The following SLC35F4 variants were observed in gnomAD, a reference collection of about 807,000 sequenced individuals.
SLC35F4 encodes solute carrier family 35 member F4.
In SLC35F4, 24 loss-of-function variants were observed where a neutral mutation model predicts 44.2. That is an observed-to-expected ratio of 0.54 (90% confidence interval 0.39 to 0.76). SLC35F4 has a LOEUF of 0.76. SLC35F4 is among the 30% of genes least tolerant of loss of function. SLC35F4 has a pLI of 0.00. For missense variants in SLC35F4, 562 were observed against 586.1 expected, an observed-to-expected ratio of 0.96 and a Z score of 0.42; for synonymous variants, 238 against 223.6, an observed-to-expected ratio of 1.06 and a Z score of -0.57.
At chr14:57,869,706 T>C (rs1242630991), upstream of SLC35F4, among the ~76,000 whole-genome samples, 2 of 152,084 alleles carry the variant, frequency 1.3e-5, no homozygotes, top group African/African-American at 4.8e-5. Context: ...TTACAAAGAG[T>C]TGACCCCAAG....
At chr14:57,680,075 G>A (rs930063558) in intron 1 of SLC35F4, among the ~76,000 whole-genome samples, 1 of 151,954 alleles carries the variant, frequency 6.6e-6, no homozygotes, top group Non-Finnish European at 1.5e-5. Flanking sequence ...AACAAAAAAA[G>A]GAAATTTCAG....
chr14:57,849,626 A>G (rs1391203819), intron 1 of SLC35F4, among the ~76,000 whole-genome samples: 1 of 152,228 alleles, frequency 6.6e-6, no homozygotes, highest in Non-Finnish European at 1.5e-5. Context: ...AATATTCAGA[A>G]AACAAAAGAG....
At chr14:57,846,974 A>G (rs551032654) in intron 1 of SLC35F4, among the ~76,000 whole-genome samples, 1 of 152,380 alleles carries the variant, frequency 6.6e-6, no homozygotes, top group East Asian at 1.9e-4. Flanking sequence ...CTCTGCAGAT[A>G]GTCCTGGCCA....
chr14:57,759,692 C>A (rs561331931), intron 1 of SLC35F4, among the ~76,000 whole-genome samples: 2 of 152,314 alleles, frequency 1.3e-5, no homozygotes, highest in South Asian at 2.1e-4. Flanking sequence ...CTCTTGCCAA[C>A]ACTTATCTTT....
At chr14:57,674,010 A>G (rs771351491) in intron 1 of SLC35F4, among the ~76,000 whole-genome samples, 57 of 152,112 alleles carry the variant, frequency 3.7e-4, no homozygotes, top group Non-Finnish European at 4.9e-4. Context: ...TCATACAAAT[A>G]TATTCAGTGT....
chr14:57,874,970 G>GAACAAATAAATA (rs1888368714), intron 1 of SLC35F4, among the ~76,000 whole-genome samples: 1 of 149,724 alleles, frequency 6.7e-6, no homozygotes, highest in African/African-American at 2.5e-5. Flanking sequence ...AGAGGCAGTG[G>GAACAAATAAATA]AATAAATAAA....
intron 1 of SLC35F4, among the ~76,000 whole-genome samples, chr14:57,950,675 C>CTTTTTTTTTTTTTTTTTTTTTTTTTTTT (rs59027196): frequency 7.9e-6 from 1 of 127,212 alleles, no homozygotes; most frequent in Non-Finnish European, 1.6e-5. Context: ...TTCTTTCTTT[C>CTTTTTTTTTTTTTTTTTTTTTTTTTTTT]TTTTTTTTTT....
chr14:57,840,221 C>T (rs1885358222), intron 1 of SLC35F4, among the ~76,000 whole-genome samples: 1 of 152,150 alleles, frequency 6.6e-6, no homozygotes, highest in Admixed American at 6.5e-5. Flanking sequence ...CTTTTCACAG[C>T]CACTTCACTA....
chr14:57,593,906 G>A (rs1594980300), intron 2 of SLC35F4, 33 bp downstream of exon 2: 2 of 1,606,666 alleles, frequency 1.2e-6, no homozygotes, highest in African/African-American at 1.3e-5. Flanking sequence ...TTACTAGGAT[G>A]TACCGTTATT....
chr14:57,587,541 G>T (rs1029202467), intron 3 of SLC35F4, among the ~76,000 whole-genome samples: 2 of 152,188 alleles, frequency 1.3e-5, no homozygotes, highest in African/African-American at 4.8e-5. Context: ...AACACTGCAT[G>T]TTCTCACTCA....
chr14:57,913,462 G>A (rs1417394426), intron 1 of SLC35F4, among the ~76,000 whole-genome samples: 2 of 151,680 alleles, frequency 1.3e-5, no homozygotes, highest in African/African-American at 4.8e-5. Context: ...TTTAGTGGTT[G>A]TCATAGAGTT....
At position 57,581,214 on chromosome 14, in the gene SLC35F4, C is replaced by G. The variant is rs769895027; in HGVS notation, c.807G>C (p.Arg269Ser). ...IVLKDRFMGV[R>S]IVAAIMAITG... is the part of the protein sequence containing the mutation. ...CGCATTGAATCAAGTATGCCATTAC[C>G]CTCACTCCCATGAACCTGTCTTTCA... is the stretch of plus-strand genomic sequence containing the variant. The change falls in exon 4 of 8, where the codon AGG (arginine) becomes AGC (serine). Residue 269 changes from arginine to serine, a missense_variant and splice_region_variant. Transcript: ENST00000556826. 1 of 1,552,836 alleles carries G rather than the reference C, an allele frequency of 6.4e-7. No homozygotes were observed. The highest frequency in any genetic ancestry group is 1.4e-5 in the African/African-American group (1 of 72,556).
intron 1 of SLC35F4, among the ~76,000 whole-genome samples, chr14:57,772,452 G>A (rs1050384899): frequency 2.0e-5 from 3 of 152,012 alleles, no homozygotes; most frequent in African/African-American, 7.2e-5. Context: ...TGGGGATTGG[G>A]CTTCTAGTGT....
chr14:57,967,881 G>C (rs1057210329), intron 1 of SLC35F4, among the ~76,000 whole-genome samples: 1 of 152,168 alleles, frequency 6.6e-6, no homozygotes, highest in Non-Finnish European at 1.5e-5. Flanking sequence ...TGGTTTGATA[G>C]GTAAGACAGA....
intron 1 of SLC35F4, among the ~76,000 whole-genome samples, chr14:57,812,817 A>G (rs1353301195): frequency 1.3e-5 from 2 of 152,186 alleles, no homozygotes; most frequent in African/African-American, 4.8e-5. Flanking sequence ...TACCACATGT[A>G]CAGTATAATC....
intron 1 of SLC35F4, among the ~76,000 whole-genome samples, chr14:57,930,943 TTAGGAAAAAAA>T (rs1157027362): frequency 1.3e-5 from 2 of 152,096 alleles, no homozygotes; most frequent in African/African-American, 2.4e-5. Context: ...GAAGTGGCAA[TTAGGAAAAAAA>T]TAGGAAAAAA....
chr14:57,613,050 A>C (rs1039772681), intron 1 of SLC35F4, among the ~76,000 whole-genome samples: 6 of 152,202 alleles, frequency 3.9e-5, no homozygotes, highest in Non-Finnish European at 5.9e-5. Flanking sequence ...ATTAACTCTA[A>C]GGAGCTATCA....
At chr14:57,637,822 C>T (rs1412528067) in intron 1 of SLC35F4, among the ~76,000 whole-genome samples, 2 of 152,046 alleles carry the variant, frequency 1.3e-5, no homozygotes, top group Non-Finnish European at 2.9e-5. Flanking sequence ...ATGAACCCCT[C>T]TTGGCAAAAG....
intron 2 of SLC35F4, among the ~76,000 whole-genome samples, chr14:57,592,146 C>T (rs1234646994): frequency 6.6e-6 from 1 of 152,348 alleles, no homozygotes; most frequent in Non-Finnish European, 1.5e-5. Context: ...TACCAGGATT[C>T]TATCCATTTC....
Sources: allele counts gnomAD v4.1 joint callset (sites outside exome capture counted in the v4.1 genomes callset), GRCh38; gene constraint gnomAD v4.1.1; transcripts MANE v1.5; gene names NCBI Gene and HGNC (gene_info 2026-07-23, HGNC 2026-07-21).